N4BP2: variants seen among roughly 807,000 people sequenced by gnomAD.
N4BP2 encodes NEDD4 binding protein 2.
In N4BP2, 91 loss-of-function variants were observed where a neutral mutation model predicts 152.8. That is an observed-to-expected ratio of 0.60 (90% confidence interval 0.50 to 0.71). N4BP2 has a LOEUF of 0.71. Ranked by LOEUF, N4BP2 falls within the 30% of genes least tolerant of loss-of-function variation. The pLI is 0.00. For missense variants in N4BP2, 1,923 were observed against 2,059.1 expected (o/e 0.93, Z 1.28); for synonymous variants, 646 against 705.3 (o/e 0.92, Z 1.33).
chr4:40,152,648 T>A, intron 16 of N4BP2, 132 bp from the exon 17 acceptor site: 1 of 839,790 alleles, frequency 1.2e-6, no homozygotes. Flanking sequence ...GTCTTACTAT[T>A]ACAGTTTTGA....
chr4:40,146,869 C>CT (rs33993973), intron 16 of N4BP2, among the ~76,000 whole-genome samples: 152 of 90,022 alleles, frequency 1.7e-3, no homozygotes, highest in South Asian at 0.016. Context: ...ATGTGTTTGG[C>CT]TTTTTTTTTT....
chr4:40,159,417 T>C (rs1056347496), downstream of N4BP2, among the ~76,000 whole-genome samples: 29 of 152,380 alleles, frequency 1.9e-4, no homozygotes, highest in African/African-American at 6.7e-4. Flanking sequence ...ACTGCTTTAC[T>C]TGACGCTTTT....
At chr4:40,095,381 C>T (rs372084170) in intron 2 of N4BP2, among the ~76,000 whole-genome samples, 1 of 152,136 alleles carries the variant, frequency 6.6e-6, no homozygotes, top group South Asian at 2.1e-4. Context: ...ACGCCCAGCC[C>T]GCTATATCTT....
intron 7 of N4BP2, among the ~76,000 whole-genome samples, chr4:40,114,411 A>G (rs1276721445): frequency 2.0e-5 from 3 of 152,156 alleles, no homozygotes; most frequent in African/African-American, 7.2e-5. Flanking sequence ...CTTGGCAACC[A>G]CTAATGTGTG....
At chr4:40,099,208 A>C (rs1320665592) in intron 3 of N4BP2, among the ~76,000 whole-genome samples, 1 of 151,980 alleles carries the variant, frequency 6.6e-6, no homozygotes, top group African/African-American at 2.4e-5. Flanking sequence ...TAGTGGTTTC[A>C]CTTCAGCCTT....
At chr4:40,137,966 A>G (rs1213206408) in intron 14 of N4BP2, among the ~76,000 whole-genome samples, 1 of 152,190 alleles carries the variant, frequency 6.6e-6, no homozygotes, top group Non-Finnish European at 1.5e-5. Flanking sequence ...GTTGGTTTCC[A>G]AATGAAAGGC....
At chr4:40,124,253 G>T in intron 11 of N4BP2, 48 bp downstream of exon 11, 1 of 1,436,418 alleles carries the variant, frequency 7.0e-7, no homozygotes, top group East Asian at 2.3e-5. Flanking sequence ...GAAATTTGGT[G>T]TGTGTGTTTG....
chr4:40,133,698 G>C (rs747384116), intron 13 of N4BP2, among the ~76,000 whole-genome samples: 2 of 152,210 alleles, frequency 1.3e-5, no homozygotes, highest in Non-Finnish European at 2.9e-5. Flanking sequence ...CCATTCCCAA[G>C]ATACCTCATT....
Position 40,104,788 on chromosome 4 carries a change from G to A in N4BP2, c.1373+1570G>A, listed in dbSNP as rs953545923. Among the ~76,000 whole-genome samples, 3 of 151,322 alleles carry A rather than the reference G, an allele frequency of 2.0e-5. No homozygotes were observed. In the South Asian group the frequency reaches 6.3e-4, roughly 32 times the overall value. On this transcript the variant is annotated intron_variant, in intron 4 of 17. Coordinates refer to ENST00000261435, the MANE Select transcript of N4BP2 (RefSeq NM_018177.6). ...AGAGAAATAACAGGAAGAGTGTTGAGACATAGAACCTGCGTTGTCTTTTTT... is the reference window on the plus strand; with the variant it reads ...AGAGAAATAACAGGAAGAGTGTTGAAACATAGAACCTGCGTTGTCTTTTTT...
At chr4:40,092,343 T>C (rs1438856743) in intron 2 of N4BP2, among the ~76,000 whole-genome samples, 2 of 151,776 alleles carry the variant, frequency 1.3e-5, no homozygotes, top group Admixed American at 6.6e-5. Context: ...ATAGTGATTT[T>C]ATCTTTGTCT....
In N4BP2 at chr4:40,120,599, A is replaced by C. The variant is rs1203410810; in HGVS notation, c.2488A>C (p.Ser830Arg). 1 of 1,614,210 alleles carries C rather than the reference A, an allele frequency of 6.2e-7. No individual in the cohort carries two copies. The change falls in exon 9 of 18, where the codon AGT becomes CGT. Residue 830 changes from serine (S) to arginine (R), a missense_variant. Transcript: ENST00000261435. ...NYPQSHKLVN[S>R]VSVNTDCVQQ... ...CCCTCAGTCACACAAATTAGTTAAC[A>C]GTGTATCTGTGAATACAGATTGTGT...
intron 1 of N4BP2, among the ~76,000 whole-genome samples, chr4:40,060,437 G>T (rs529577866): frequency 6.6e-6 from 1 of 152,010 alleles, no homozygotes; most frequent in East Asian, 1.9e-4. Context: ...TAGTGATGGG[G>T]TTACACCTTG....
intron 13 of N4BP2, 87 bp downstream of exon 13, chr4:40,132,006 T>G: frequency 1.1e-6 from 1 of 900,064 alleles, no homozygotes; most frequent in Non-Finnish European, 1.8e-6. Context: ...ACAAAAATAA[T>G]GTAAGTCTAC....
intron 2 of N4BP2, among the ~76,000 whole-genome samples, chr4:40,092,438 T>G (rs66609025): frequency 0.36 from 53,998 of 151,624 alleles, 9,989 homozygotes; most frequent in South Asian, 0.52. Flanking sequence ...GTTCATAGTT[T>G]ACTTTATTAG....
At chr4:40,098,840 A>G (rs1001912626) in intron 3 of N4BP2, among the ~76,000 whole-genome samples, 9 of 152,212 alleles carry the variant, frequency 5.9e-5, no homozygotes, top group South Asian at 2.1e-4. Flanking sequence ...AGAATCTTCT[A>G]TAGACCTTGT....
intron 17 of N4BP2, among the ~76,000 whole-genome samples, chr4:40,153,730 G>GT (rs981912402): frequency 6.6e-6 from 1 of 152,192 alleles, no homozygotes; most frequent in African/African-American, 2.4e-5. Flanking sequence ...AAAAGGAGTA[G>GT]TTAGACCAGA....
chr4:40,152,393 A>G (rs964815656), intron 16 of N4BP2, among the ~76,000 whole-genome samples: 4 of 152,236 alleles, frequency 2.6e-5, no homozygotes, highest in Non-Finnish European at 5.9e-5. Context: ...ATTCTTAGTT[A>G]ATAAATATAA....
At chr4:40,149,870 C>G (rs1720979602) in intron 16 of N4BP2, among the ~76,000 whole-genome samples, 1 of 150,074 alleles carries the variant, frequency 6.7e-6, no homozygotes, top group Non-Finnish European at 1.5e-5. Context: ...GCACTCCAGC[C>G]TGGGTGACAG....
the N4BP2 span, among the ~76,000 whole-genome samples, chr4:40,179,363 C>T: frequency 6.6e-6 from 1 of 152,174 alleles, no homozygotes; most frequent in East Asian, 1.9e-4. Context: ...GAGTGAGACT[C>T]CATCTCAACA....
Sources: gnomAD v4.1 joint callset for allele counts (sites outside exome capture counted in the v4.1 genomes callset) on GRCh38, gnomAD v4.1.1 for gene constraint, MANE v1.5 for transcripts, NCBI Gene and HGNC (gene_info 2026-07-23, HGNC 2026-07-21) for gene names.